The following PTPN14 variants were observed in gnomAD, a reference collection of about 807,000 sequenced individuals.
The protein encoded by PTPN14 is protein tyrosine phosphatase non-receptor type 14.
Under a neutral mutation model 126.8 loss-of-function variants are expected in PTPN14, and 53 were observed. The observed-to-expected ratio is 0.42, with a 90% CI of 0.34 to 0.53. PTPN14 has a LOEUF of 0.53. Ranked by LOEUF, PTPN14 falls within the 20% of genes least tolerant of loss-of-function variation. The pLI, the probability that PTPN14 is intolerant of heterozygous loss-of-function variation, is 0.08. For synonymous variants in PTPN14, 630 were observed against 599.3 expected, an observed-to-expected ratio of 1.05 and a Z score of -0.75; for missense variants, 1,257 against 1,552.9, an observed-to-expected ratio of 0.81 and a Z score of 3.20.
Position 214,357,398 on chromosome 1 carries a change from A to G in PTPN14, c.*524T>C, listed in dbSNP as rs1657848479. The G allele has an allele frequency of 2.6e-5, 4 of 152,222 alleles. No homozygotes were observed. The allele number at this position is 152,222 out of a possible 1,614,324, so 9.4% of individuals were successfully genotyped here. A position where few individuals can be genotyped will look rare whatever the true frequency, so the allele number is the denominator to read the frequency against. ...TATCAAGGCTCATGAGCCCCAAAAT[A>G]TAAGAGAATCGTGTTTGTTCCTTCA... On this transcript the variant is annotated 3_prime_UTR_variant, in exon 19 of 19. Transcript: ENST00000366956.
intron 9 of PTPN14, among the ~76,000 whole-genome samples, chr1:214,394,542 G>A (rs113026784): frequency 0.014 from 2,170 of 152,224 alleles, 40 homozygotes; most frequent in African/African-American, 0.048. Flanking sequence ...CGAGTAGCTG[G>A]GACTACAGGT....
At chr1:214,514,722 C>G (rs1055215735) in intron 1 of PTPN14, among the ~76,000 whole-genome samples, 13 of 152,298 alleles carry the variant, frequency 8.5e-5, no homozygotes, top group African/African-American at 3.1e-4. Context: ...CAAGCCTTCA[C>G]CCCATGACCC....
chr1:214,483,507 G>A, intron 1 of PTPN14: 1 of 677,256 alleles, frequency 1.5e-6, no homozygotes, highest in Non-Finnish European at 2.6e-6. Context: ...AACTTTCACT[G>A]TCTTGAAGTT....
chr1:214,401,937 C>T (rs547530464), intron 6 of PTPN14, among the ~76,000 whole-genome samples, 165 bp from the exon 7 acceptor site: 22 of 152,186 alleles, frequency 1.4e-4, no homozygotes, highest in African/African-American at 5.3e-4. Flanking sequence ...AATTCATTGA[C>T]ATCTTTCCCA....
intron 3 of PTPN14, among the ~76,000 whole-genome samples, chr1:214,424,406 A>C (rs1056376204): frequency 2.0e-5 from 3 of 152,216 alleles, no homozygotes; most frequent in Non-Finnish European, 2.9e-5. Flanking sequence ...CAGAAATAGC[A>C]AAATAGGGGC....
At chr1:214,466,315 A>C (rs1384474687) in intron 1 of PTPN14, among the ~76,000 whole-genome samples, 1 of 151,654 alleles carries the variant, frequency 6.6e-6, no homozygotes, top group Non-Finnish European at 1.5e-5. Context: ...TATTCAAAGC[A>C]CTTAAAAATC....
In PTPN14 at chr1:214,378,059, C is replaced by T. The variant is rs779629858; in HGVS notation, c.2588G>A (p.Arg863Lys). 2 of 1,612,460 alleles carry T rather than the reference C, an allele frequency of 1.2e-6. No homozygotes were observed. The highest frequency in any genetic ancestry group is 1.3e-5 in the African/African-American group (1 of 74,994). Reference protein sequence around the residue: ...QKMAGLEAQKRPLMLAALNGL... With the variant: ...QKMAGLEAQKKPLMLAALNGL... ...ATTCAATGCTGCCAACATCAGCGGC[C>T]TCTTCTGTGCCTCCAGGCCTGCCAT... The change falls in exon 14 of 19, where the codon AGG (arginine) becomes AAG (lysine). Residue 863 changes from arginine to lysine, a missense_variant. Around this residue, in one of 3 missense-constraint regions of PTPN14, gnomAD observed 1,021 missense variants for 1,183.3 expected, o/e 0.86. Coordinates refer to ENST00000366956, the MANE Select transcript of PTPN14 (RefSeq NM_005401.5).
chr1:214,497,851 A>G (rs11588026), intron 1 of PTPN14, among the ~76,000 whole-genome samples: 22,083 of 151,876 alleles, frequency 0.15, 2,054 homozygotes, highest in Non-Finnish European at 0.21. Flanking sequence ...TCTTAGGGGG[A>G]AAAAAAAGGA....
At chr1:214,366,025 T>C (rs888464793) in intron 17 of PTPN14, among the ~76,000 whole-genome samples, 1 of 152,094 alleles carries the variant, frequency 6.6e-6, no homozygotes, top group Non-Finnish European at 1.5e-5. Context: ...ATCAGTCGGA[T>C]GTGGTGGCAC....
rs1320366933 is a variant in PTPN14, at chr1:214,356,005, C to G, written c.*1917G>C. 2 of 142,024 alleles carry G rather than the reference C, an allele frequency of 1.4e-5. No individual in the cohort carries two copies. Among genetic ancestry groups the G allele is most frequent in the Non-Finnish European group, 3.0e-5 (2 of 66,926 alleles). The allele number at this position is 142,024 out of a possible 1,614,324, so 8.8% of individuals were successfully genotyped here. On this transcript the variant is annotated 3_prime_UTR_variant, in exon 19 of 19. Transcript: ENST00000366956. ...AGGCAGGGTCTCTCCGTAGCCCAGC[C>G]TGGACTACAGTGGCAAGATCACGGC... is the stretch of plus-strand genomic sequence containing the variant.
intron 1 of PTPN14, among the ~76,000 whole-genome samples, chr1:214,485,676 A>G (rs1661093952): frequency 6.6e-6 from 1 of 152,180 alleles, no homozygotes; most frequent in South Asian, 2.1e-4. Context: ...TACTGCGCCT[A>G]AATGCATGAA....
intron 14 of PTPN14, among the ~76,000 whole-genome samples, chr1:214,376,961 G>A (rs866179227): frequency 3.9e-4 from 59 of 152,268 alleles, no homozygotes; most frequent in African/African-American, 1.3e-3. Flanking sequence ...GGCAGAAATC[G>A]AACACCCTGG....
At chr1:214,445,594 C>T (rs1660125906) in intron 3 of PTPN14, among the ~76,000 whole-genome samples, 1 of 151,170 alleles carries the variant, frequency 6.6e-6, no homozygotes, top group Admixed American at 6.6e-5. Context: ...AGAAACCATG[C>T]ATGCACTCAG....
intron 3 of PTPN14, among the ~76,000 whole-genome samples, chr1:214,423,196 T>C (rs1659582768): frequency 6.6e-6 from 1 of 152,056 alleles, no homozygotes; most frequent in Non-Finnish European, 1.5e-5. Context: ...CGTGATGGCA[T>C]GCACCTATTG....
intron 7 of PTPN14, among the ~76,000 whole-genome samples, chr1:214,399,096 A>G (rs1214187516): frequency 6.6e-6 from 1 of 152,232 alleles, no homozygotes; most frequent in Non-Finnish European, 1.5e-5. Context: ...TGTTCTAACC[A>G]CAAAGAAATA....
intron 7 of PTPN14, among the ~76,000 whole-genome samples, chr1:214,401,405 T>C (rs1171800416): frequency 1.3e-5 from 2 of 152,258 alleles, no homozygotes; most frequent in Non-Finnish European, 2.9e-5. Flanking sequence ...TAAGGCTGGA[T>C]ATCAGCCTTG....
At position 214,546,492 on chromosome 1, in the gene PTPN14, C is replaced by A. The variant is rs544559493; in HGVS notation, c.-155+4691G>T. ...ACTGTGAGTAATTTTTCCCTGTGAA[C>A]GCAAAACTTGTAAGGCAAAGTAGAT... is the stretch of plus-strand genomic sequence containing the variant. On this transcript the variant is annotated intron_variant, in intron 1 of 18. Coordinates refer to ENST00000366956, the MANE Select transcript of PTPN14 (RefSeq NM_005401.5). Among the ~76,000 whole-genome samples, 77 of 152,254 alleles carry A rather than the reference C, an allele frequency of 5.1e-4. 1 individual carries two copies. The highest frequency in any genetic ancestry group is 1.8e-3 in the African/African-American group (74 of 41,524).
intron 2 of PTPN14, among the ~76,000 whole-genome samples, chr1:214,457,323 A>G (rs558664924): frequency 4.5e-4 from 69 of 152,326 alleles, no homozygotes; most frequent in Non-Finnish European, 9.1e-4. Context: ...TTGGTTTTTA[A>G]AAGCTTTTTT....
At chr1:214,447,689 C>T (rs1558106447) in intron 3 of PTPN14, among the ~76,000 whole-genome samples, 1 of 152,176 alleles carries the variant, frequency 6.6e-6, no homozygotes, top group African/African-American at 2.4e-5. Context: ...TTCTGCAATG[C>T]TGCAAACATA....
Sources: gnomAD v4.1 joint callset for allele counts (sites outside exome capture counted in the v4.1 genomes callset) on GRCh38, gnomAD v4.1.1 for gene constraint, gnomAD v4.1.1 regional missense constraint, MANE v1.5 for transcripts, NCBI Gene and HGNC (gene_info 2026-07-23, HGNC 2026-07-21) for gene names.